GLDN: variants seen among roughly 807,000 people sequenced by gnomAD.
GLDN encodes collomin.
A neutral mutation model predicts 56.5 loss-of-function variants in GLDN; 47 were observed. That is an observed-to-expected ratio of 0.83 (90% CI 0.66 to 1.06). The LOEUF (loss-of-function observed/expected upper bound fraction) is 1.06, where lower values mean the gene tolerates loss of function less well. Ranked by LOEUF, GLDN falls within the 50% of genes least tolerant of loss-of-function variation. The probability of loss-of-function intolerance (pLI) is 0.00; values close to 1 mark genes in which losing one functional copy is unlikely to be tolerated. For synonymous variants in GLDN, 332 were observed against 278.8 expected (o/e 1.19, Z -1.90); for missense variants, 782 against 714.3 (o/e 1.09, Z -1.08).
intron 1 of GLDN, among the ~76,000 whole-genome samples, chr15:51,347,365 G>A (rs1165684089): frequency 6.6e-6 from 1 of 152,168 alleles, no homozygotes; most frequent in African/African-American, 2.4e-5. Context: ...TTTGAATGTG[G>A]CCCAACTCAA....
At chr15:51,383,491 G>C (rs1414505624) in intron 3 of GLDN, 38 bp downstream of exon 3, 1 of 1,611,942 alleles carries the variant, frequency 6.2e-7, no homozygotes, top group South Asian at 1.1e-5. Context: ...AGGGGAGGCT[G>C]TGGGTGGCCA....
chr15:51,354,606 G>T (rs1031668035), intron 1 of GLDN, among the ~76,000 whole-genome samples: 2 of 152,218 alleles, frequency 1.3e-5, no homozygotes, highest in Non-Finnish European at 2.9e-5. Context: ...ATGAGCCAAG[G>T]TCTAGGGATT....
intron 8 of GLDN, 134 bp from the exon 9 acceptor site, chr15:51,401,459 T>C: frequency 1.3e-6 from 1 of 756,698 alleles, no homozygotes; most frequent in Non-Finnish European, 2.2e-6. Flanking sequence ...TCTTAGACTC[T>C]TCACACTGGA....
intron 1 of GLDN, among the ~76,000 whole-genome samples, chr15:51,346,790 G>A (rs977975451): frequency 3.3e-5 from 5 of 152,204 alleles, no homozygotes; most frequent in African/African-American, 9.7e-5. Flanking sequence ...AGGAGGCCGG[G>A]TGTGGTCGCT....
At chr15:51,410,012 C>G (rs1182863099), downstream of GLDN, among the ~76,000 whole-genome samples, 1 of 152,218 alleles carries the variant, frequency 6.6e-6, no homozygotes, top group East Asian at 1.9e-4. Flanking sequence ...GGAGCAGATA[C>G]ACACGCCCAA....
intron 1 of GLDN, 67 bp downstream of exon 1, chr15:51,342,114 C>G: frequency 6.4e-7 from 1 of 1,568,140 alleles, no homozygotes; most frequent in East Asian, 2.3e-5. Context: ...GGGGCGAGGA[C>G]GCCGACGCCC....
chr15:51,350,486 C>T (rs1014697352), intron 1 of GLDN, among the ~76,000 whole-genome samples: 4 of 152,142 alleles, frequency 2.6e-5, no homozygotes, highest in African/African-American at 7.2e-5. Flanking sequence ...CGTGTGCACA[C>T]GTGCATTTAG....
chr15:51,342,867 T>G (rs2036911539), intron 1 of GLDN, among the ~76,000 whole-genome samples: 4 of 152,164 alleles, frequency 2.6e-5, no homozygotes, highest in African/African-American at 7.2e-5. Flanking sequence ...GGTCCCCCAT[T>G]GCATGCCTCC....
At chr15:51,379,114 G>A (rs2037698785) in intron 2 of GLDN, among the ~76,000 whole-genome samples, 2 of 152,256 alleles carry the variant, frequency 1.3e-5, no homozygotes, top group South Asian at 4.1e-4. Flanking sequence ...AGTCAGGACA[G>A]ATGCTATGTG....
chr15:51,409,690 A>G (rs1444435306), downstream of GLDN, among the ~76,000 whole-genome samples: 2 of 152,236 alleles, frequency 1.3e-5, no homozygotes, highest in Admixed American at 1.3e-4. Context: ...GGACCCCTAC[A>G]GAACACTCGA....
At chr15:51,346,181 G>A (rs1318460724) in intron 1 of GLDN, among the ~76,000 whole-genome samples, 2 of 151,522 alleles carry the variant, frequency 1.3e-5, no homozygotes, top group African/African-American at 4.9e-5. Context: ...TTTTTTTTCT[G>A]GGATTAGACA....
chr15:51,397,094 C>G (rs1165780764), intron 5 of GLDN, among the ~76,000 whole-genome samples: 2 of 152,114 alleles, frequency 1.3e-5, no homozygotes, highest in Non-Finnish European at 2.9e-5. Flanking sequence ...CAGAGGGTGT[C>G]CCCTGGAGGA....
At chr15:51,409,260 A>C (rs979237522), downstream of GLDN, among the ~76,000 whole-genome samples, 5 of 151,942 alleles carry the variant, frequency 3.3e-5, no homozygotes. Context: ...AAATGGTTCA[A>C]GTACCTGTTA....
At chr15:51,356,509 C>T (rs1406799509) in intron 1 of GLDN, among the ~76,000 whole-genome samples, 1 of 152,196 alleles carries the variant, frequency 6.6e-6, no homozygotes, top group Non-Finnish European at 1.5e-5. Context: ...GGAGAACATC[C>T]TGCTTCCAAG....
At chr15:51,356,505 C>T (rs1237923235) in intron 1 of GLDN, among the ~76,000 whole-genome samples, 4 of 152,200 alleles carry the variant, frequency 2.6e-5, no homozygotes, top group Non-Finnish European at 5.9e-5. Flanking sequence ...GAAAGGAGAA[C>T]ATCCTGCTTC....
Position 51,341,718 on chromosome 15 carries a change from G to A in GLDN, c.34G>A (p.Ala12Thr). 7.0e-7 allele frequency: 1 copy of A among 1,430,444 alleles called. No individual in the cohort carries two copies. Among genetic ancestry groups the A allele is most frequent in the Non-Finnish European group, 9.0e-7 (1 of 1,106,716 alleles). 88.6% of individuals were successfully genotyped at this position (1,430,444 alleles called of 1,614,324 possible). Residue 12 changes from alanine to threonine, a missense_variant, in exon 1 of 10, where the codon GCG becomes ACG. Physicochemically the swap from Ala to Thr is moderately conservative, Grantham distance 58. Coordinates refer to ENST00000335449, the MANE Select transcript of GLDN (RefSeq NM_181789.4). Reference protein sequence around the residue: ...ARGAEGGRGDAGWGLRGALAA... With the variant: ...ARGAEGGRGDTGWGLRGALAA... ...AGGCGCTGAGGGAGGCCGTGGGGACGCGGGTTGGGGCCTGCGTGGCGCCCT... is the reference window on the plus strand; with the variant it reads ...AGGCGCTGAGGGAGGCCGTGGGGACACGGGTTGGGGCCTGCGTGGCGCCCT...
At chr15:51,343,857 C>G (rs943779626) in intron 1 of GLDN, among the ~76,000 whole-genome samples, 1 of 152,164 alleles carries the variant, frequency 6.6e-6, no homozygotes, top group African/African-American at 2.4e-5. Context: ...TCCCTCAGAC[C>G]TATAGAATCC....
rs2038156700 is a variant in GLDN, at chr15:51,397,473, C to T, written c.692C>T (p.Ala231Val). ...DVSNDVLLAG[A>V]KGDQGPPGPP... The stretch of plus-strand genomic sequence containing the variant: ...CTTTCTCTCTCTCTCTCTCCAGGTG[C>T]CAAAGGTGACCAAGGCCCACCCGGT... The change falls in exon 6 of 10, where the codon GCC becomes GTC. Residue 231 changes from alanine to valine, a missense_variant. Physicochemically the swap from Ala to Val is moderately conservative, Grantham distance 64 (BLOSUM62 0). Coordinates refer to ENST00000335449, the MANE Select transcript of GLDN (RefSeq NM_181789.4). 3 of 1,519,844 alleles carry T rather than the reference C, an allele frequency of 2.0e-6. No homozygotes were observed. Among genetic ancestry groups the T allele is most frequent in the Non-Finnish European group, 1.8e-6 (2 of 1,129,964 alleles). The allele number at this position is 1,519,844 out of a possible 1,614,324, so 94.1% of individuals were successfully genotyped here.
intron 4 of GLDN, among the ~76,000 whole-genome samples, chr15:51,388,537 G>A (rs550256993): frequency 2.0e-4 from 31 of 152,286 alleles, no homozygotes; most frequent in African/African-American, 6.7e-4. Flanking sequence ...AGAATGTGAG[G>A]CCTGTGAGAG....
Sources: allele counts gnomAD v4.1 joint callset (sites outside exome capture counted in the v4.1 genomes callset), GRCh38; gene constraint gnomAD v4.1.1; transcripts MANE v1.5; gene names NCBI Gene and HGNC (gene_info 2026-07-23, HGNC 2026-07-21).